RBL2: variants seen among roughly 807,000 people sequenced by gnomAD.
The protein encoded by RBL2 is RB transcriptional corepressor like 2.
In RBL2, 56 loss-of-function variants were observed where a neutral mutation model predicts 126.0. The observed-to-expected ratio is 0.44, with a 90% CI of 0.36 to 0.56. The LOEUF is 0.56. Among genes scored for constraint, RBL2 ranks in the 20% least tolerant of loss-of-function variants. RBL2 has a pLI of 0.00. For synonymous variants in RBL2, 454 were observed against 478.5 expected (o/e 0.95, Z 0.67); for missense variants, 1,229 against 1,398.2 (o/e 0.88, Z 1.93).
intron 1 of RBL2, 82 bp downstream of exon 1, chr16:53,434,878 A>G: frequency 7.2e-7 from 1 of 1,388,372 alleles, no homozygotes; most frequent in Non-Finnish European, 9.3e-7. Context: ...GCCTCGAGAG[A>G]CTCTCGGGCG....
At position 53,479,969 on chromosome 16, in the gene RBL2, A is replaced by C; in HGVS notation, c.2859A>C (p.Pro953=). ...ATAGCAGAAGCCATCAGAATTCTCC[A>C]ACAGAACTAAACAAAGATAGAAGTA... ...SSDSRSHQNS[P]TELNKDRTSR... The change falls in exon 19 of 22, where the codon CCA becomes CCC. Residue 953 remains proline, a synonymous_variant. Coordinates refer to ENST00000262133, the MANE Select transcript of RBL2 (RefSeq NM_005611.4). 2 of 1,602,012 alleles carry C rather than the reference A, an allele frequency of 1.2e-6. No homozygotes were observed. Among genetic ancestry groups the C allele is most frequent in the Non-Finnish European group, 1.7e-6 (2 of 1,172,714 alleles).
intron 19 of RBL2, 58 bp downstream of exon 19, chr16:53,480,049 G>A: frequency 8.4e-7 from 1 of 1,192,118 alleles, no homozygotes; most frequent in Non-Finnish European, 1.2e-6. Flanking sequence ...TACTTTTTAG[G>A]CCTTGAAGAA....
chr16:53,479,141 T>C lies in RBL2; in HGVS notation c.2704-13T>C, dbSNP rs1335060348. On this transcript the variant is annotated splice_polypyrimidine_tract_variant and intron_variant, in intron 17 of 21. Transcript: ENST00000262133. Reference sequence around the variant, plus strand: ...GTTGCCATGTCTCTCAGAGCACTCTTATTGTTTGCCAGGTCACAAAAGAAG... The same window carrying C: ...GTTGCCATGTCTCTCAGAGCACTCTCATTGTTTGCCAGGTCACAAAAGAAG... The C allele has an allele frequency of 6.2e-7, 1 of 1,606,936 alleles. No individual in the cohort carries two copies. Among genetic ancestry groups the C allele is most frequent in the Non-Finnish European group, 8.5e-7 (1 of 1,173,540 alleles).
intron 11 of RBL2, 123 bp from the exon 12 acceptor site, chr16:53,464,103 G>T: frequency 2.9e-6 from 2 of 680,476 alleles, no homozygotes; most frequent in South Asian, 4.2e-5. Flanking sequence ...AGAAAATAAG[G>T]ACACACTTTG....
chr16:53,441,683 A>G (rs2058017701), intron 2 of RBL2, among the ~76,000 whole-genome samples: 1 of 152,230 alleles, frequency 6.6e-6, no homozygotes, highest in African/African-American at 2.4e-5. Context: ...TTGTTTACAC[A>G]TACATGTGTA....
intron 8 of RBL2, among the ~76,000 whole-genome samples, chr16:53,457,277 T>TG (rs1567733869): frequency 7.1e-6 from 1 of 139,884 alleles, no homozygotes; most frequent in Non-Finnish European, 1.6e-5. Context: ...TTTTTTTTTT[T>TG]GAGATGGAGT....
intron 14 of RBL2, 42 bp downstream of exon 14, chr16:53,467,211 C>G: frequency 6.7e-7 from 1 of 1,491,672 alleles, no homozygotes; most frequent in Non-Finnish European, 9.3e-7. Context: ...GGCTTACTAT[C>G]TGGAAATTTA....
intron 7 of RBL2, 117 bp downstream of exon 7, chr16:53,453,886 T>C (rs2058140343): frequency 1.1e-6 from 1 of 910,382 alleles, no homozygotes; most frequent in Non-Finnish European, 1.6e-6. Flanking sequence ...TGTGAGAGAA[T>C]ACAGGGAAGC....
Position 53,453,667 on chromosome 16 carries a change from T to G in RBL2, c.928-38T>G, listed in dbSNP as rs191273704. The G allele has an allele frequency of 4.1e-5, 65 of 1,603,216 alleles. No individual in the cohort carries two copies. In the African/African-American group the frequency reaches 8.1e-4, roughly 20 times the overall value. On this transcript the variant is annotated intron_variant, in intron 6 of 21. Transcript: ENST00000262133. ...AATGTTTTCTGGAGAAAAACTTGATTTAACATGACGACTTAAGGATCTCTT... is the reference window on the plus strand; with the variant it reads ...AATGTTTTCTGGAGAAAAACTTGATGTAACATGACGACTTAAGGATCTCTT...
chr16:53,440,262 G>C (rs2058002467), intron 2 of RBL2, among the ~76,000 whole-genome samples: 2 of 152,130 alleles, frequency 1.3e-5, no homozygotes, highest in Non-Finnish European at 2.9e-5. Context: ...ACTCCAGCCT[G>C]GGTGACAAGA....
At chr16:53,481,889 A>G in intron 21 of RBL2, 54 bp downstream of exon 21, 1 of 1,521,148 alleles carries the variant, frequency 6.6e-7, no homozygotes, top group Non-Finnish European at 9.1e-7. Context: ...TTCAGATGCT[A>G]GAAACAGGGT....
At chr16:53,480,049 G>C (rs1250189288) in intron 19 of RBL2, 58 bp downstream of exon 19, 12 of 1,192,000 alleles carry the variant, frequency 1.0e-5, no homozygotes, top group Non-Finnish European at 1.3e-5. Context: ...TACTTTTTAG[G>C]CCTTGAAGAA....
intron 9 of RBL2, among the ~76,000 whole-genome samples, chr16:53,459,928 G>C (rs1330280382): frequency 6.6e-6 from 1 of 151,932 alleles, no homozygotes; most frequent in Non-Finnish European, 1.5e-5. Flanking sequence ...GGGGGCGGGG[G>C]GAAGCTCAGT....
At chr16:53,448,455 C>A (rs1339394610) in intron 4 of RBL2, among the ~76,000 whole-genome samples, 1 of 151,446 alleles carries the variant, frequency 6.6e-6, no homozygotes, top group African/African-American at 2.4e-5. Context: ...TCGCACCCGG[C>A]CTAGCTTAAC....
At chr16:53,479,809 C>A (rs891230350) in intron 18 of RBL2, 77 bp from the exon 19 acceptor site, 1 of 921,986 alleles carries the variant, frequency 1.1e-6, no homozygotes, top group Non-Finnish European at 1.7e-6. Flanking sequence ...AACCAAGTAA[C>A]ATATGTGAAG....
Position 53,480,884 on chromosome 16 carries a change from T to C in RBL2, c.3084+115T>C, listed in dbSNP as rs78634891. 7.0e-3 allele frequency: 7,268 copies of C among 1,036,264 alleles called. 115 individuals are homozygous for C. The highest frequency in any genetic ancestry group is 0.056 in the Admixed American group (2,492 of 44,604). 64.2% of individuals were successfully genotyped at this position (1,036,264 alleles called of 1,614,324 possible). ...CGTATATAAACTAGTTTTGGCCAGG[T>C]GTGGTGGCTCACACCTGTAATCCCA... On this transcript the variant is annotated intron_variant, in intron 20 of 21. Coordinates refer to ENST00000262133, the MANE Select transcript of RBL2 (RefSeq NM_005611.4).
chr16:53,486,260 C>T (rs1961172418), intron 21 of RBL2, among the ~76,000 whole-genome samples: 1 of 152,018 alleles, frequency 6.6e-6, no homozygotes, highest in African/African-American at 2.4e-5. Flanking sequence ...GTGATGGCAC[C>T]CCTGCACTCC....
intron 17 of RBL2, among the ~76,000 whole-genome samples, chr16:53,472,679 G>C (rs1011719913): frequency 6.6e-6 from 1 of 152,108 alleles, no homozygotes; most frequent in Non-Finnish European, 1.5e-5. Flanking sequence ...CTCCCATTCG[G>C]TGTATCTTTT....
intron 14 of RBL2, among the ~76,000 whole-genome samples, chr16:53,469,380 A>G (rs1327897643): frequency 6.6e-6 from 1 of 152,090 alleles, no homozygotes; most frequent in African/African-American, 2.4e-5. Context: ...TAAGAACATT[A>G]TTGAGTTTTA....
Sources: gnomAD v4.1 joint callset for allele counts (sites outside exome capture counted in the v4.1 genomes callset) on GRCh38, gnomAD v4.1.1 for gene constraint, MANE v1.5 for transcripts, NCBI Gene and HGNC (gene_info 2026-07-23, HGNC 2026-07-21) for gene names.